The following CPS1 variants were observed in gnomAD, a reference collection of about 807,000 sequenced individuals.
CPS1 encodes the protein carbamoyl-phosphate synthase 1, also known as carbamoyl-phosphate synthase [ammonia], mitochondrial.
CPS1 carries 109 observed loss-of-function variants against 174.6 expected under a neutral mutation model. That is an observed-to-expected ratio of 0.62 (90% CI 0.53 to 0.73). The LOEUF (loss-of-function observed/expected upper bound fraction) is 0.73. Among genes scored for constraint, CPS1 ranks in the 30% least tolerant of loss-of-function variants. The pLI is 0.00. For synonymous variants in CPS1, 637 were observed against 632.0 expected, an observed-to-expected ratio of 1.01 and a Z score of -0.12; for missense variants, 1,689 against 1,821.9, an observed-to-expected ratio of 0.93 and a Z score of 1.33.
At chr2:210,554,596 C>T (rs187532769), upstream of CPS1, among the ~76,000 whole-genome samples, 570 of 151,792 alleles carry the variant, frequency 3.8e-3, 3 homozygotes, top group Non-Finnish European at 6.9e-3. Flanking sequence ...TGCATGGGTA[C>T]CTTAGGGTAA....
At chr2:210,500,233 A>G (rs988294993) in intron 1 of CPS1, among the ~76,000 whole-genome samples, 4 of 152,096 alleles carry the variant, frequency 2.6e-5, no homozygotes, top group Admixed American at 2.6e-4. Context: ...TCAAGATGAG[A>G]TTTGGGTGGG....
chr2:210,610,935 G>T (rs984806675), intron 19 of CPS1, among the ~76,000 whole-genome samples: 2 of 151,454 alleles, frequency 1.3e-5, no homozygotes, highest in Non-Finnish European at 2.9e-5. Context: ...ACTAATTTCA[G>T]ATAAATTTTA....
chr2:210,530,728 T>G (rs1559064030), intron 1 of CPS1, among the ~76,000 whole-genome samples: 2 of 152,154 alleles, frequency 1.3e-5, no homozygotes, highest in Non-Finnish European at 1.5e-5. Flanking sequence ...CTGCCTCTCT[T>G]TGTGCCCCAA....
intron 7 of CPS1, 75 bp downstream of exon 7, chr2:210,588,222 C>T: frequency 7.7e-7 from 1 of 1,298,416 alleles, no homozygotes; most frequent in Non-Finnish European, 1.1e-6. Flanking sequence ...TCCTCTGTCA[C>T]AGAGAAACTT....
chr2:210,646,727 C>T lies in CPS1; in HGVS notation c.3142-1136C>T, dbSNP rs187833686. 2.2e-3 allele frequency among the ~76,000 whole-genome samples: 331 copies of T among 152,062 alleles called. 1 individual carries two copies. Among genetic ancestry groups the T allele is most frequent in the African/African-American group, 7.7e-3 (318 of 41,472 alleles). On this transcript the variant is annotated intron_variant, in intron 25 of 37. Coordinates refer to ENST00000233072, the MANE Select transcript of CPS1 (RefSeq NM_001875.5). ...GTTTAGTGTTTAGGCAGGTATTATC[C>T]TAATTTTATACACAAGAAGACTAAA...
At chr2:210,521,096 C>G (rs1310648401) in intron 1 of CPS1, among the ~76,000 whole-genome samples, 1 of 151,930 alleles carries the variant, frequency 6.6e-6, no homozygotes, top group Admixed American at 6.6e-5. Context: ...CTTTGAGGAC[C>G]TCACCAACAT....
chr2:210,481,405 C>T (rs746127732), intron 1 of CPS1, among the ~76,000 whole-genome samples: 30 of 152,336 alleles, frequency 2.0e-4, no homozygotes, highest in Non-Finnish European at 2.9e-4. Context: ...GTATCCCCTT[C>T]TGGAGGGGTC....
At chr2:210,479,608 C>T (rs1174383272) in intron 1 of CPS1, among the ~76,000 whole-genome samples, 1 of 152,150 alleles carries the variant, frequency 6.6e-6, no homozygotes, top group Admixed American at 6.5e-5. Flanking sequence ...TTTAAAGACC[C>T]TTCTCCAGCA....
intron 6 of CPS1, among the ~76,000 whole-genome samples, chr2:210,587,356 A>G (rs1698143947): frequency 1.3e-5 from 2 of 151,918 alleles, no homozygotes; most frequent in Non-Finnish European, 2.9e-5. Flanking sequence ...CTTTCTCTCT[A>G]TTATTTCTCC....
intron 21 of CPS1, among the ~76,000 whole-genome samples, chr2:210,625,011 T>G (rs922723498): frequency 6.6e-6 from 1 of 152,084 alleles, no homozygotes; most frequent in African/African-American, 2.4e-5. Context: ...GTCTCTGAAC[T>G]AAGCGTGATG....
intron 1 of CPS1, among the ~76,000 whole-genome samples, chr2:210,481,888 G>A (rs1694579107): frequency 6.6e-6 from 1 of 152,226 alleles, no homozygotes; most frequent in Non-Finnish European, 1.5e-5. Context: ...GGTTCATCCT[G>A]TGATTGCCTT....
intron 1 of CPS1, among the ~76,000 whole-genome samples, chr2:210,477,959 A>G (rs1218755086): frequency 2.0e-5 from 3 of 152,194 alleles, no homozygotes; most frequent in Admixed American, 6.5e-5. Flanking sequence ...CAGGATGGTA[A>G]TTGTATATTT....
intron 27 of CPS1, 119 bp from the exon 28 acceptor site, chr2:210,650,244 G>C: frequency 1.2e-6 from 1 of 800,284 alleles, no homozygotes; most frequent in Non-Finnish European, 2.2e-6. Flanking sequence ...AATTTAGCAA[G>C]AGGCACCTTC....
chr2:210,618,212 C>A (rs1699378410), intron 21 of CPS1: 1 of 152,148 alleles, frequency 6.6e-6, no homozygotes, highest in South Asian at 2.1e-4. Flanking sequence ...CATTCTGTTG[C>A]ATTTATTTGC....
intron 1 of CPS1, among the ~76,000 whole-genome samples, chr2:210,488,159 A>G (rs1351435517): frequency 8.1e-6 from 1 of 123,004 alleles, no homozygotes; most frequent in African/African-American, 2.5e-5. Flanking sequence ...TGCTTGCATT[A>G]TCCTTTTTTT....
chr2:210,579,367 G>A (rs2106085377), intron 4 of CPS1, among the ~76,000 whole-genome samples: 1 of 152,138 alleles, frequency 6.6e-6, no homozygotes, highest in Middle Eastern at 3.4e-3. Flanking sequence ...AGGAACATTT[G>A]GCTCAAAACA....
chr2:210,636,267 T>G (rs904079572), intron 21 of CPS1, among the ~76,000 whole-genome samples: 4 of 152,108 alleles, frequency 2.6e-5, no homozygotes, highest in African/African-American at 9.6e-5. Flanking sequence ...TTTGCATGCA[T>G]TTTGAAATCT....
rs2105942136 is a variant in CPS1, at chr2:210,482,803, T to A, written c.3+5037T>A. 1.3e-5 allele frequency among the ~76,000 whole-genome samples: 2 copies of A among 152,292 alleles called. 1 individual carries two copies. Among genetic ancestry groups the A allele is most frequent in the South Asian group, 4.1e-4 (2 of 4,820 alleles). ...TTGTTATATCATAGTCCCTAAAGTA[T>A]TTCCTAATATTTAAAAAGAAAAAAG... is the stretch of plus-strand genomic sequence containing the variant. On this transcript the variant is annotated intron_variant, in intron 1 of 38. Transcript: ENST00000430249.
chr2:210,515,786 T>A (rs1471760309), intron 1 of CPS1, among the ~76,000 whole-genome samples: 1 of 151,930 alleles, frequency 6.6e-6, no homozygotes, highest in African/African-American at 2.4e-5. Context: ...GTAGGTGTGA[T>A]GTTAGATCGT....
Sources: allele counts gnomAD v4.1 joint callset (sites outside exome capture counted in the v4.1 genomes callset), GRCh38; gene constraint gnomAD v4.1.1; transcripts MANE v1.5; gene names NCBI Gene and HGNC (gene_info 2026-07-23, HGNC 2026-07-21).